SRBD1: variants seen among roughly 807,000 people sequenced by gnomAD.
SRBD1 encodes the protein S1 RNA-binding domain-containing protein 1.
SRBD1 carries 88 observed loss-of-function variants against 115.3 expected under a neutral mutation model. That is an observed-to-expected ratio of 0.76 (90% CI 0.64 to 0.91). SRBD1 has a LOEUF of 0.91. SRBD1 is among the 40% of genes least tolerant of loss of function. The probability of loss-of-function intolerance (pLI) is 0.00; values close to 1 mark genes in which losing one functional copy is unlikely to be tolerated. For missense variants in SRBD1, 1,385 were observed against 1,177.4 expected (o/e 1.18, Z -2.58); for synonymous variants, 509 against 407.7 (o/e 1.25, Z -2.99).
intron 14 of SRBD1, among the ~76,000 whole-genome samples, chr2:45,509,465 G>A (rs1402269624): frequency 1.3e-5 from 2 of 151,864 alleles, no homozygotes; most frequent in African/African-American, 4.8e-5. Context: ...GCGCGGTGGT[G>A]GGCGCCTGCA....
At chr2:45,575,394 A>G (rs1166098479) in intron 7 of SRBD1, among the ~76,000 whole-genome samples, 1 of 152,206 alleles carries the variant, frequency 6.6e-6, no homozygotes, top group Non-Finnish European at 1.5e-5. Context: ...GGTCTTTCTG[A>G]TATCAACTTA....
At chr2:45,542,263 G>A (rs974863168) in intron 14 of SRBD1, among the ~76,000 whole-genome samples, 5 of 152,248 alleles carry the variant, frequency 3.3e-5, no homozygotes, top group Non-Finnish European at 5.9e-5. Flanking sequence ...GCCTAGGCTC[G>A]GCCACAACTT....
intron 14 of SRBD1, among the ~76,000 whole-genome samples, chr2:45,533,733 C>T (rs1671682207): frequency 6.6e-6 from 1 of 151,894 alleles, no homozygotes; most frequent in African/African-American, 2.4e-5. Context: ...TGATACAATC[C>T]CAAAGTTCAT....
chr2:45,523,647 T>G (rs549994343), intron 14 of SRBD1, among the ~76,000 whole-genome samples: 43 of 151,158 alleles, frequency 2.8e-4, no homozygotes, highest in African/African-American at 1.0e-3. Context: ...CAAAAAGAAA[T>G]AGACAATCTG....
intron 14 of SRBD1, among the ~76,000 whole-genome samples, chr2:45,541,943 C>G (rs1173069097): frequency 6.6e-6 from 1 of 152,252 alleles, no homozygotes; most frequent in Non-Finnish European, 1.5e-5. Flanking sequence ...CGGCCACAGA[C>G]TCCACCCAGA....
At chr2:45,493,474 T>C (rs374500440) in intron 14 of SRBD1, among the ~76,000 whole-genome samples, 2 of 152,192 alleles carry the variant, frequency 1.3e-5, no homozygotes, top group African/African-American at 4.8e-5. Flanking sequence ...TGATGAATTA[T>C]CATTTCAAGG....
intron 12 of SRBD1, among the ~76,000 whole-genome samples, chr2:45,549,696 C>CAAAAAA (rs10646755): frequency 2.4e-4 from 20 of 84,746 alleles, no homozygotes; most frequent in African/African-American, 3.5e-4. Flanking sequence ...ACTAAAAATA[C>CAAAAAA]AAAAAAAAAA....
intron 4 of SRBD1, among the ~76,000 whole-genome samples, chr2:45,592,115 T>A (rs71422161): frequency 2.0e-5 from 3 of 152,148 alleles, no homozygotes; most frequent in Non-Finnish European, 4.4e-5. Context: ...TCTTCCTCAT[T>A]TTCTCTTGCT....
chr2:45,594,574 G>A (rs944926592), intron 4 of SRBD1, among the ~76,000 whole-genome samples: 1 of 152,192 alleles, frequency 6.6e-6, no homozygotes, highest in African/African-American at 2.4e-5. Context: ...GGGCTGAAAA[G>A]GAGTAGGTTG....
intron 15 of SRBD1, among the ~76,000 whole-genome samples, chr2:45,484,793 T>C (rs1670066109): frequency 6.6e-6 from 1 of 152,190 alleles, no homozygotes; most frequent in South Asian, 2.1e-4. Context: ...GTTTTCAATC[T>C]CTACAGATTT....
intron 1 of SRBD1, among the ~76,000 whole-genome samples, chr2:45,610,484 T>G (rs1221146019): frequency 6.6e-6 from 1 of 152,178 alleles, no homozygotes; most frequent in Non-Finnish European, 1.5e-5. Flanking sequence ...TGAAACAGTT[T>G]ACTCAAAGGG....
chr2:45,477,696 T>C (rs1195955279), intron 15 of SRBD1, among the ~76,000 whole-genome samples: 2 of 152,148 alleles, frequency 1.3e-5, no homozygotes, highest in Non-Finnish European at 1.5e-5. Context: ...ATTAGAGGCA[T>C]GAGCTACTGC....
At chr2:45,486,005 G>A (rs72805021) in intron 15 of SRBD1, among the ~76,000 whole-genome samples, 6,369 of 152,260 alleles carry the variant, frequency 0.042, 206 homozygotes, top group Non-Finnish European at 0.063. Flanking sequence ...ACAGAAGGAA[G>A]ACACAGATAC....
chr2:45,605,871 T>C (rs1572834151), intron 1 of SRBD1, among the ~76,000 whole-genome samples: 1 of 137,352 alleles, frequency 7.3e-6, no homozygotes, highest in Non-Finnish European at 1.5e-5. Flanking sequence ...ATAATTGCAC[T>C]CCAGCCTGGG....
intron 16 of SRBD1, among the ~76,000 whole-genome samples, chr2:45,463,734 A>G (rs1285152034): frequency 1.3e-5 from 2 of 152,204 alleles, no homozygotes; most frequent in Admixed American, 1.3e-4. Flanking sequence ...AAGCAGTAAT[A>G]CCTTTATGAA....
chr2:45,565,702 T>C (rs1341145948), intron 9 of SRBD1, among the ~76,000 whole-genome samples: 1 of 152,182 alleles, frequency 6.6e-6, no homozygotes, highest in Non-Finnish European at 1.5e-5. Flanking sequence ...GGGACAAAAA[T>C]TTTTGCAAAT....
intron 4 of SRBD1, among the ~76,000 whole-genome samples, chr2:45,586,820 T>A (rs1233409323): frequency 6.6e-6 from 1 of 151,392 alleles, no homozygotes; most frequent in Non-Finnish European, 1.5e-5. Context: ...GTGCTGGGAT[T>A]ACTGGCATGA....
At chr2:45,539,822 C>T (rs1240441457) in intron 14 of SRBD1, among the ~76,000 whole-genome samples, 1 of 151,952 alleles carries the variant, frequency 6.6e-6, no homozygotes. Context: ...ACCTTAAGAA[C>T]TGAACAAAAA....
chr2:45,592,047 C>G (rs192513468), intron 4 of SRBD1, among the ~76,000 whole-genome samples: 4 of 152,078 alleles, frequency 2.6e-5, no homozygotes, highest in Admixed American at 6.6e-5. Context: ...GCTATTCTTG[C>G]GATAGTGAAT....
Sources: gnomAD v4.1 joint callset for allele counts (sites outside exome capture counted in the v4.1 genomes callset) on GRCh38, gnomAD v4.1.1 for gene constraint, MANE v1.5 for transcripts, NCBI Gene and HGNC (gene_info 2026-07-23, HGNC 2026-07-21) for gene names.